FRMPD4: variants seen among roughly 807,000 people sequenced by gnomAD.
FRMPD4 encodes the protein FERM and PDZ domain containing 4.
A neutral mutation model predicts 94.1 loss-of-function variants in FRMPD4; 22 were observed. The observed-to-expected ratio is 0.23, with a 90% CI of 0.17 to 0.33. The LOEUF (loss-of-function observed/expected upper bound fraction) is 0.33, where lower values mean the gene tolerates loss of function less well. FRMPD4 is among the 10% of genes least tolerant of loss of function. FRMPD4 has a pLI of 1.00. For synonymous variants in FRMPD4, 631 were observed against 548.6 expected (o/e 1.15, Z -2.10); for missense variants, 1,111 against 1,339.9 (o/e 0.83, Z 2.67).
At chrX:11,881,142 A>T (rs1183401662) in intron 3 of FRMPD4, among the ~76,000 whole-genome samples, 1 of 112,602 alleles carries the variant, frequency 8.9e-6, no homozygotes, top group Non-Finnish European at 1.9e-5. Context: ...AATGCTGACA[A>T]TTCCAAATGC....
At chrX:12,617,386 G>A (rs1381718844) in intron 4 of FRMPD4, among the ~76,000 whole-genome samples, 1 of 112,260 alleles carries the variant, frequency 8.9e-6, no homozygotes, top group East Asian at 2.8e-4. Context: ...TAACAGAGTT[G>A]AGTAGTTGCA....
At chrX:12,239,549 G>A (rs1282772976) in intron 1 of FRMPD4, among the ~76,000 whole-genome samples, 3 of 112,165 alleles carry the variant, frequency 2.7e-5, no homozygotes, top group African/African-American at 9.7e-5. Flanking sequence ...AGAAGGGAGA[G>A]GGGAAGATTT....
In FRMPD4 at chrX:12,385,302, T is replaced by G. The variant is rs528037608; in HGVS notation, c.42-113378T>G. Among the ~76,000 whole-genome samples the G allele has an allele frequency of 3.7e-4, 42 of 112,613 alleles. No homozygotes were observed. In the South Asian group the frequency reaches 0.015, roughly 39 times the overall value. On this transcript the variant is annotated intron_variant, in intron 1 of 16. Coordinates refer to ENST00000675598, the MANE Select transcript of FRMPD4 (RefSeq NM_001368397.1). ...CCTGAATGGCCTTAAGTGCAGAATT[T>G]CAGTGTAATCACATGACATTGTGGG...
At chrX:12,569,039 G>T (rs1334255731) in intron 2 of FRMPD4, among the ~76,000 whole-genome samples, 1 of 111,109 alleles carries the variant, frequency 9.0e-6, no homozygotes, top group Non-Finnish European at 1.9e-5. Context: ...ACTAGAGTAG[G>T]TTGCTATAAA....
At chrX:12,538,172 C>G (rs112493065) in intron 2 of FRMPD4, among the ~76,000 whole-genome samples, 1 of 111,652 alleles carries the variant, frequency 9.0e-6, no homozygotes, top group Non-Finnish European at 1.9e-5. Context: ...CGGCACACCA[C>G]GAGATTATAG....
intron 2 of FRMPD4, among the ~76,000 whole-genome samples, chrX:12,586,949 G>A (rs745566192): frequency 1.8e-5 from 2 of 108,938 alleles, no homozygotes; most frequent in African/African-American, 3.4e-5. Context: ...GAGAAAATTA[G>A]CCCCTCAAAG....
chrX:12,689,513 G>A (rs1178874614), intron 7 of FRMPD4, among the ~76,000 whole-genome samples: 1 of 112,291 alleles, frequency 8.9e-6, no homozygotes, highest in Non-Finnish European at 1.9e-5. Flanking sequence ...CTTCCCCAAA[G>A]CTGCACAGCT....
At chrX:11,874,017 G>T (rs2053769530) in intron 2 of FRMPD4, among the ~76,000 whole-genome samples, 1 of 111,662 alleles carries the variant, frequency 9.0e-6, no homozygotes, top group Non-Finnish European at 1.9e-5. Flanking sequence ...CTGCACTCCA[G>T]CCTGGGGAAC....
intron 1 of FRMPD4, among the ~76,000 whole-genome samples, chrX:12,418,180 AGTATGGCT>A (rs1381949980): frequency 9.2e-6 from 1 of 108,762 alleles, no homozygotes; most frequent in African/African-American, 3.3e-5. Flanking sequence ...ACAGCCCCTC[AGTATGGCT>A]GTATGGCTGT....
intron 3 of FRMPD4, among the ~76,000 whole-genome samples, chrX:12,029,687 A>G (rs1332008120): frequency 9.0e-6 from 1 of 111,685 alleles, no homozygotes; most frequent in Non-Finnish European, 1.9e-5. Context: ...TTCTTTTTGC[A>G]TAAACTCTGT....
At chrX:11,984,311 C>T (rs768838612) in intron 3 of FRMPD4, among the ~76,000 whole-genome samples, 1 of 112,515 alleles carries the variant, frequency 8.9e-6, no homozygotes. Flanking sequence ...ATGACCTTTG[C>T]TCTTGACTGG....
At chrX:11,934,551 C>G (rs2054140566) in intron 3 of FRMPD4, among the ~76,000 whole-genome samples, 1 of 111,923 alleles carries the variant, frequency 8.9e-6, no homozygotes, top group Admixed American at 9.5e-5. Flanking sequence ...GGGAGCAATT[C>G]CAGTTCCAGT....
At chrX:12,034,744 T>C (rs1032530119) in intron 3 of FRMPD4, among the ~76,000 whole-genome samples, 3 of 112,293 alleles carry the variant, frequency 2.7e-5, no homozygotes, top group African/African-American at 6.5e-5. Flanking sequence ...AAACAGCATG[T>C]AGGCAGTCCT....
At chrX:12,392,306 G>T (rs2056487394) in intron 1 of FRMPD4, among the ~76,000 whole-genome samples, 1 of 105,419 alleles carries the variant, frequency 9.5e-6, no homozygotes, top group Non-Finnish European at 2.0e-5. Context: ...CTCCCAAAGT[G>T]CTGGGATTAC....
At chrX:11,932,690 T>TTA (rs2054128451) in intron 3 of FRMPD4, among the ~76,000 whole-genome samples, 1 of 95,954 alleles carries the variant, frequency 1.0e-5, no homozygotes, top group South Asian at 5.0e-4. Flanking sequence ...AAAACAAACA[T>TTA]AAAAAAAAAA....
chrX:12,445,097 G>A (rs1311347881), intron 1 of FRMPD4, among the ~76,000 whole-genome samples: 1 of 112,003 alleles, frequency 8.9e-6, no homozygotes, highest in Non-Finnish European at 1.9e-5. Flanking sequence ...TGGATGAGGT[G>A]TGGATTGGTT....
chrX:12,106,250 C>A (rs906905885), intron 3 of FRMPD4, among the ~76,000 whole-genome samples: 6 of 112,181 alleles, frequency 5.3e-5, no homozygotes, highest in African/African-American at 1.9e-4. Flanking sequence ...GGAGAGGCAG[C>A]TTTGGATTGA....
At chrX:12,191,801 A>G (rs1457402334) in intron 1 of FRMPD4, among the ~76,000 whole-genome samples, 1 of 111,775 alleles carries the variant, frequency 8.9e-6, no homozygotes, top group East Asian at 2.8e-4. Flanking sequence ...ACTCTGTATT[A>G]TACTACAGTG....
At chrX:11,980,019 A>G (rs1158181917) in intron 3 of FRMPD4, among the ~76,000 whole-genome samples, 1 of 111,747 alleles carries the variant, frequency 8.9e-6, no homozygotes, top group Non-Finnish European at 1.9e-5. Flanking sequence ...GTGTGCACGC[A>G]CGCTCATGCT....
Sources: gnomAD v4.1 joint callset for allele counts (sites outside exome capture counted in the v4.1 genomes callset) on GRCh38, gnomAD v4.1.1 for gene constraint, MANE v1.5 for transcripts, NCBI Gene and HGNC (gene_info 2026-07-23, HGNC 2026-07-21) for gene names.